The following PRC1 variants were observed in gnomAD, a reference collection of about 807,000 sequenced individuals.
PRC1 encodes the protein protein regulator of cytokinesis 1.
PRC1 carries 54 observed loss-of-function variants against 91.2 expected under a neutral mutation model. The observed-to-expected ratio is 0.59, with a 90% CI of 0.48 to 0.74. The LOEUF (loss-of-function observed/expected upper bound fraction) is 0.74. Among genes scored for constraint, PRC1 ranks in the 30% least tolerant of loss-of-function variants. The probability of loss-of-function intolerance (pLI) is 0.00; values close to 1 mark genes in which losing one functional copy is unlikely to be tolerated. For missense variants in PRC1, 727 were observed against 746.2 expected (o/e 0.97, Z 0.30); for synonymous variants, 275 against 263.6 (o/e 1.04, Z -0.42).
In PRC1 at chr15:90,970,499, T is replaced by C. The variant is rs769663841; in HGVS notation, c.1477A>G (p.Met493Val). The change falls in exon 12 of 15, where the codon ATG (methionine) becomes GTG (valine). Residue 493 changes from methionine (M) to valine (V), a missense_variant. Met to Val is a conservative substitution (Grantham distance 21). Transcript: ENST00000394249. ...CTACTATTGGCCGTAGCATTGGACATGGTGGTAGTGTTCAGCTAGGGAGAA... is the reference window on the plus strand; with the variant it reads ...CTACTATTGGCCGTAGCATTGGACACGGTGGTAGTGTTCAGCTAGGGAGAA... ...GKARKLNTTTMSNATANSSIR... is the reference protein window; with the variant it reads ...GKARKLNTTTVSNATANSSIR... The C allele has an allele frequency of 3.1e-6, 5 of 1,611,852 alleles. No individual in the cohort carries two copies. The South Asian group carries it at 3.3e-5, about 11-fold the overall frequency.
intron 11 of PRC1, among the ~76,000 whole-genome samples, chr15:90,971,743 C>T (rs188268536): frequency 6.6e-6 from 1 of 152,124 alleles, no homozygotes; most frequent in Admixed American, 6.5e-5. Context: ...GTAATCCCAG[C>T]TACTCGGGAG....
rs1303533418 is a variant in PRC1 at position 90,966,958 on chromosome 15, A to G, written c.*173T>C. On this transcript the variant is annotated 3_prime_UTR_variant, in exon 15 of 15. Transcript: ENST00000394249. ...CAAGTCTCCTAGGACCACTAAACCT[A>G]TGATGGGCTTTCAACTGTAACACTC... 3 of 632,596 alleles carry G rather than the reference A, an allele frequency of 4.7e-6. No homozygotes were observed. The highest frequency in any genetic ancestry group is 8.4e-6 in the Non-Finnish European group (3 of 357,440). The allele number at this position is 632,596 out of a possible 1,614,324, so 39.2% of individuals were successfully genotyped here.
chr15:90,979,973 C>T (rs944540695), intron 7 of PRC1, among the ~76,000 whole-genome samples: 5 of 152,218 alleles, frequency 3.3e-5, no homozygotes, highest in African/African-American at 1.2e-4. Context: ...AATGCTTTTT[C>T]ATACAGGAAT....
rs2037490410 is a variant in PRC1 at position 90,966,380 on chromosome 15, C to A, written c.*751G>T. The A allele has an allele frequency of 3.0e-6, 1 of 338,574 alleles. No homozygotes were observed. Among genetic ancestry groups the A allele is most frequent in the South Asian group, 2.2e-5 (1 of 45,088 alleles). The allele number at this position is 338,574 out of a possible 1,614,324, so 21.0% of individuals were successfully genotyped here. On this transcript the variant is annotated 3_prime_UTR_variant, in exon 15 of 15. Coordinates refer to ENST00000394249, the MANE Select transcript of PRC1 (RefSeq NM_003981.4). ...CAACCCATTGGAACAAACAGACTCC[C>A]AATGTGGCTGGCAACTGCGGGGGTA...
rs1354770640 is a variant in PRC1, at chr15:90,981,632, T to G, written c.539A>C (p.Gln180Pro). The G allele has an allele frequency of 6.2e-7, 1 of 1,613,972 alleles. No homozygotes were observed. Among genetic ancestry groups the G allele is most frequent in the Non-Finnish European group, 8.5e-7 (1 of 1,179,948 alleles). Residue 180 changes from glutamine to proline, a missense_variant, in exon 5 of 15, where the codon CAG (glutamine) becomes CCG (proline). By Grantham distance (76) the Gln-to-Pro change is moderately conservative. Transcript: ENST00000394249. The part of the protein sequence containing the change: ...RREEFVSIKR[Q>P]IILCMEALDH... ...TAATGCTTCCATACACAGTATGATC[T>G]GTCTCTTTATACTGACAAACTCCTC...
intron 1 of PRC1, among the ~76,000 whole-genome samples, chr15:90,992,810 A>G (rs2040055128): frequency 6.6e-6 from 1 of 152,116 alleles, no homozygotes; most frequent in South Asian, 2.1e-4. Context: ...AGTCTTGAAC[A>G]TAAATCACTG....
rs922428378 is a variant in PRC1, at chr15:90,979,420, C to T, written c.971-126G>A. 34 of 1,100,416 alleles carry T rather than the reference C, an allele frequency of 3.1e-5. 1 individual carries two copies. In the East Asian group the frequency reaches 5.3e-4, roughly 17 times the overall value. 68.2% of individuals were successfully genotyped at this position (1,100,416 alleles called of 1,614,324 possible). On this transcript the variant is annotated intron_variant, in intron 7 of 14. Coordinates refer to ENST00000394249, the MANE Select transcript of PRC1 (RefSeq NM_003981.4). ...TATAGTAAACTGATACAGGAAGAGGCGTGTGTGTGTGTGTAATAGATATAT... is the reference window on the plus strand; with the variant it reads ...TATAGTAAACTGATACAGGAAGAGGTGTGTGTGTGTGTGTAATAGATATAT...
chr15:90,983,132 T>C (rs1444351709), intron 3 of PRC1, among the ~76,000 whole-genome samples: 3 of 152,170 alleles, frequency 2.0e-5, no homozygotes, highest in Non-Finnish European at 2.9e-5. Flanking sequence ...ATTTATGACA[T>C]TTATGTTGAC....
intron 7 of PRC1, among the ~76,000 whole-genome samples, chr15:90,979,891 T>C (rs1224870091): frequency 6.6e-6 from 1 of 152,236 alleles, no homozygotes; most frequent in Non-Finnish European, 1.5e-5. Flanking sequence ...AAACTTAAGC[T>C]TCACAGCTAG....
At chr15:90,989,412 ATTTTTTTT>A (rs58512103) in intron 1 of PRC1, among the ~76,000 whole-genome samples, 3 of 118,486 alleles carry the variant, frequency 2.5e-5, no homozygotes, top group Non-Finnish European at 3.4e-5. Context: ...TGCTTGGCTA[ATTTTTTTT>A]TTTTTTTTTT....
At chr15:90,972,761 G>A (rs1188265524) in intron 11 of PRC1, 1 of 152,864 alleles carries the variant, frequency 6.5e-6, no homozygotes, top group African/African-American at 2.4e-5. Context: ...AGTCCTCTCT[G>A]ACTGTGCTGT....
chr15:90,970,585 T>C lies in PRC1; in HGVS notation c.1462-71A>G, dbSNP rs2078325201. ...AGCATTTCTAGCAACCTGTCTACCC[T>C]ACAGAGAAATGACTATGGGAGGAGG... On this transcript the variant is annotated intron_variant, in intron 11 of 14. Coordinates refer to ENST00000394249, the MANE Select transcript of PRC1 (RefSeq NM_003981.4). 27 of 1,113,030 alleles carry C rather than the reference T, an allele frequency of 2.4e-5. 1 individual carries two copies. The highest frequency in any genetic ancestry group is 3.3e-5 in the Non-Finnish European group (25 of 753,040). 68.9% of individuals were successfully genotyped at this position (1,113,030 alleles called of 1,614,324 possible).
intron 1 of PRC1, among the ~76,000 whole-genome samples, chr15:90,993,807 G>GAAAAA (rs2040121689): frequency 6.6e-6 from 1 of 152,208 alleles, no homozygotes; most frequent in South Asian, 2.1e-4. Flanking sequence ...AACGGGCCGG[G>GAAAAA]CACGGTGGCT....
chr15:90,983,262 GCAGGTCTTCCTGTAA>G (rs1206703325), intron 3 of PRC1, among the ~76,000 whole-genome samples: 1 of 152,118 alleles, frequency 6.6e-6, no homozygotes, highest in Non-Finnish European at 1.5e-5. Context: ...AGATATCCAG[GCAGGTCTTCCTGTAA>G]CAGGAAGAGG....
At chr15:90,973,917 A>AG (rs1317744552) in intron 11 of PRC1, 2 of 486,908 alleles carry the variant, frequency 4.1e-6, no homozygotes, top group East Asian at 7.3e-5. Context: ...GGAACTCAAG[A>AG]GACCGGTGCT....
intron 14 of PRC1, 150 bp from the exon 15 acceptor site, chr15:90,967,352 G>T: frequency 4.6e-6 from 3 of 649,708 alleles, no homozygotes; most frequent in East Asian, 5.5e-5. Flanking sequence ...GGAGTAAAAG[G>T]TGAGGAACTC....
chr15:90,973,321 T>G (rs911269980), intron 11 of PRC1, among the ~76,000 whole-genome samples: 1 of 152,248 alleles, frequency 6.6e-6, no homozygotes, highest in Non-Finnish European at 1.5e-5. Flanking sequence ...AACAATATGT[T>G]TACAGGCAGT....
chr15:90,976,420 A>G (rs1211247198), intron 9 of PRC1, among the ~76,000 whole-genome samples: 1 of 146,738 alleles, frequency 6.8e-6, no homozygotes, highest in Admixed American at 6.6e-5. Context: ...ACCTCGCGAT[A>G]TGCCTGCCTA....
chr15:90,969,016 G>C, intron 14 of PRC1, 63 bp downstream of exon 14: 2 of 1,612,770 alleles, frequency 1.2e-6, no homozygotes, highest in Non-Finnish European at 1.7e-6. Context: ...GTGCCCAGAT[G>C]AATGAAGCCA....
Sources: allele counts gnomAD v4.1 joint callset (sites outside exome capture counted in the v4.1 genomes callset), GRCh38; gene constraint gnomAD v4.1.1; transcripts MANE v1.5; gene names NCBI Gene and HGNC (gene_info 2026-07-23, HGNC 2026-07-21).